Variants in CNTNAP2 observed in about 807,000 individuals in gnomAD.
The protein encoded by CNTNAP2 is contactin associated protein 2.
In CNTNAP2, 98 loss-of-function variants were observed where a neutral mutation model predicts 155.2. The observed-to-expected ratio is 0.63, with a 90% CI of 0.54 to 0.75. CNTNAP2 has a LOEUF of 0.75. Among genes scored for constraint, CNTNAP2 ranks in the 30% least tolerant of loss-of-function variants. The probability of loss-of-function intolerance (pLI) is 0.00; values close to 1 mark genes in which losing one functional copy is unlikely to be tolerated. For missense variants in CNTNAP2, 1,727 were observed against 1,688.1 expected, an observed-to-expected ratio of 1.02 and a Z score of -0.40; for synonymous variants, 651 against 631.2, an observed-to-expected ratio of 1.03 and a Z score of -0.47.
intron 3 of CNTNAP2, among the ~76,000 whole-genome samples, chr7:146,987,826 T>C (rs1348808299): frequency 1.3e-5 from 2 of 152,146 alleles, no homozygotes; most frequent in Non-Finnish European, 1.5e-5. Flanking sequence ...CTCAAATTTA[T>C]TGTTCAGTAC....
chr7:146,285,976 C>CTG (rs1554411302), intron 1 of CNTNAP2, among the ~76,000 whole-genome samples: 11 of 50,276 alleles, frequency 2.2e-4, no homozygotes, highest in Non-Finnish European at 2.3e-4. Flanking sequence ...TTCCTTCCTT[C>CTG]TCTGTGTGTG....
chr7:147,014,769 A>G (rs1288339046), intron 3 of CNTNAP2, among the ~76,000 whole-genome samples: 1 of 152,108 alleles, frequency 6.6e-6, no homozygotes, highest in Non-Finnish European at 1.5e-5. Flanking sequence ...GCCAACAGGA[A>G]ACAAAAAAAT....
At chr7:146,231,305 T>A (rs1267917207) in intron 1 of CNTNAP2, among the ~76,000 whole-genome samples, 2 of 152,164 alleles carry the variant, frequency 1.3e-5, no homozygotes, top group Non-Finnish European at 2.9e-5. Flanking sequence ...GTGGTACTCT[T>A]GGCCACATCT....
chr7:146,255,900 G>T (rs1240723506), intron 1 of CNTNAP2, among the ~76,000 whole-genome samples: 2 of 152,186 alleles, frequency 1.3e-5, no homozygotes, highest in African/African-American at 4.8e-5. Context: ...GTGAAAACAA[G>T]AAGGATGAAC....
chr7:147,959,634 C>T lies in CNTNAP2; in HGVS notation c.2256-18228C>T, dbSNP rs940438552. Among the ~76,000 whole-genome samples, 7 of 152,094 alleles carry T rather than the reference C, an allele frequency of 4.6e-5. No individual in the cohort carries two copies. The East Asian group carries it at 5.8e-4, about 13-fold the overall frequency. ...CTTGAATTACATGTAGATTAAGGAG[C>T]AGCTTATGCAGACATTTCTAGAAAA... On this transcript the variant is annotated intron_variant, in intron 14 of 23. Coordinates refer to ENST00000361727, the MANE Select transcript of CNTNAP2 (RefSeq NM_014141.6).
intron 15 of CNTNAP2, chr7:147,978,193 G>A: frequency 1.6e-6 from 1 of 622,620 alleles, no homozygotes. Context: ...ATAAAGTGGG[G>A]ATATCCATCT....
intron 21 of CNTNAP2, among the ~76,000 whole-genome samples, chr7:148,369,852 G>A (rs1304244053): frequency 1.3e-5 from 2 of 151,932 alleles, no homozygotes; most frequent in Non-Finnish European, 1.5e-5. Context: ...AAAGGTTTTC[G>A]CTGATTTGAG....
chr7:146,421,652 C>A (rs1584917552), intron 1 of CNTNAP2, among the ~76,000 whole-genome samples: 1 of 151,580 alleles, frequency 6.6e-6, no homozygotes, highest in Admixed American at 6.6e-5. Flanking sequence ...CAGAATATTG[C>A]CAATATCTAG....
chr7:146,780,859 C>T (rs976194039), intron 2 of CNTNAP2, among the ~76,000 whole-genome samples: 4 of 151,878 alleles, frequency 2.6e-5, no homozygotes, highest in Admixed American at 1.3e-4. Context: ...CATAACACAC[C>T]GTGGCCTTTC....
chr7:147,401,443 AT>A (rs1156499523), intron 10 of CNTNAP2, among the ~76,000 whole-genome samples: 1 of 152,170 alleles, frequency 6.6e-6, no homozygotes, highest in South Asian at 2.1e-4. Context: ...ATCCAGTTTG[AT>A]TTTTTTCTTT....
chr7:146,569,733 A>G (rs2129145877), intron 1 of CNTNAP2, among the ~76,000 whole-genome samples: 1 of 152,298 alleles, frequency 6.6e-6, no homozygotes, highest in Admixed American at 6.5e-5. Context: ...TGTGAATAAT[A>G]CTACAGGAAA....
At chr7:147,660,067 A>C (rs1795587218) in intron 13 of CNTNAP2, among the ~76,000 whole-genome samples, 1 of 152,206 alleles carries the variant, frequency 6.6e-6, no homozygotes, top group Middle Eastern at 3.2e-3. Context: ...CGTGTGAAAA[A>C]TATGCATATC....
intron 3 of CNTNAP2, among the ~76,000 whole-genome samples, chr7:146,882,507 C>A (rs1045573606): frequency 1.3e-5 from 2 of 151,956 alleles, no homozygotes; most frequent in East Asian, 3.9e-4. Context: ...AAGGCCTTTC[C>A]CCCCTCTTCA....
intron 14 of CNTNAP2, among the ~76,000 whole-genome samples, chr7:147,975,028 A>ATAATACAATTTTTTGTATTACGTG (rs1801402903): frequency 6.6e-6 from 1 of 151,590 alleles, no homozygotes; most frequent in Admixed American, 6.6e-5. Context: ...TGTATTACAT[A>ATAATACAATTTTTTGTATTACGTG]TAATACAATT....
chr7:148,306,404 G>A (rs114045666), intron 21 of CNTNAP2, among the ~76,000 whole-genome samples: 2 of 152,022 alleles, frequency 1.3e-5, no homozygotes, highest in African/African-American at 4.8e-5. Flanking sequence ...TTCATTTCCT[G>A]TTCTCTCTTC....
intron 10 of CNTNAP2, among the ~76,000 whole-genome samples, chr7:147,402,925 T>A (rs1165135789): frequency 2.7e-5 from 4 of 149,528 alleles, no homozygotes; most frequent in African/African-American, 9.8e-5. Context: ...AACCCTCCCC[T>A]TAGCCAAAGA....
chr7:146,261,651 A>G (rs1430544672), intron 1 of CNTNAP2, among the ~76,000 whole-genome samples: 3 of 151,994 alleles, frequency 2.0e-5, no homozygotes, highest in African/African-American at 7.2e-5. Flanking sequence ...TTTTCTCCTC[A>G]ACAGAAAGTC....
chr7:148,054,808 A>G (rs1164380376), intron 15 of CNTNAP2, among the ~76,000 whole-genome samples: 1 of 152,056 alleles, frequency 6.6e-6, no homozygotes, highest in Non-Finnish European at 1.5e-5. Flanking sequence ...TGAGCCATGT[A>G]GAGTCCAGGT....
chr7:146,790,568 A>ATT (rs11435256), intron 2 of CNTNAP2, among the ~76,000 whole-genome samples: 1,918 of 137,784 alleles, frequency 0.014, 45 homozygotes, highest in African/African-American at 0.046. Context: ...TTGGTCAGTG[A>ATT]TTTTTTTTTT....
Sources: gnomAD v4.1 joint callset for allele counts (sites outside exome capture counted in the v4.1 genomes callset) on GRCh38, gnomAD v4.1.1 for gene constraint, MANE v1.5 for transcripts, NCBI Gene and HGNC (gene_info 2026-07-23, HGNC 2026-07-21) for gene names.